Variants in TENM1 observed in about 807,000 individuals in gnomAD.
TENM1 encodes teneurin transmembrane protein 1.
In TENM1, 35 loss-of-function variants were observed where a neutral mutation model predicts 174.8. That is an observed-to-expected ratio of 0.20 (90% confidence interval 0.15 to 0.27). The LOEUF (loss-of-function observed/expected upper bound fraction) is 0.27. TENM1 is among the 10% of genes least tolerant of loss of function. The pLI is 1.00. For missense variants in TENM1, 1,633 were observed against 2,130.1 expected (o/e 0.77, Z 4.59); for synonymous variants, 781 against 798.7 (o/e 0.98, Z 0.37).
At chrX:124,541,679 T>G (rs1016969760) in intron 15 of TENM1, among the ~76,000 whole-genome samples, 4 of 112,230 alleles carry the variant, frequency 3.6e-5, no homozygotes, top group African/African-American at 9.7e-5. Context: ...AAATCATAAC[T>G]AAGCTACTCA....
the TENM1 span, among the ~76,000 whole-genome samples, chrX:125,179,143 C>A: frequency 9.0e-6 from 1 of 111,470 alleles, no homozygotes; most frequent in Non-Finnish European, 1.9e-5. Context: ...GTTGGCTCAC[C>A]AAACTCAACA....
the TENM1 span, among the ~76,000 whole-genome samples, chrX:125,065,255 A>G: frequency 8.9e-6 from 1 of 112,061 alleles, no homozygotes; most frequent in African/African-American, 3.2e-5. Context: ...CTGGAGGGCC[A>G]AAGAATGATA....
chrX:124,590,940 GATAGTTA>G (rs2049721745), intron 11 of TENM1, among the ~76,000 whole-genome samples: 1 of 112,306 alleles, frequency 8.9e-6, no homozygotes, highest in Non-Finnish European at 1.9e-5. Context: ...GTATATTTAT[GATAGTTA>G]AGTCTTGCTG....
intron 1 of TENM1, among the ~76,000 whole-genome samples, chrX:124,917,380 TCTGA>T (rs1299951413): frequency 1.8e-5 from 2 of 111,988 alleles, no homozygotes; most frequent in Admixed American, 9.5e-5. Flanking sequence ...CTGTCGGAGT[TCTGA>T]CTAATACAAA....
the TENM1 span, among the ~76,000 whole-genome samples, chrX:125,027,779 A>G: frequency 1.7e-4 from 19 of 110,473 alleles, no homozygotes; most frequent in East Asian, 5.1e-3. Context: ...ATTTTTAAGA[A>G]GACTCTTATG....
intron 3 of TENM1, among the ~76,000 whole-genome samples, chrX:124,758,374 A>G (rs2054320399): frequency 8.9e-6 from 1 of 111,869 alleles, no homozygotes; most frequent in Non-Finnish European, 1.9e-5. Flanking sequence ...CAGTATAAAG[A>G]AAAATGGAAA....
the TENM1 span, among the ~76,000 whole-genome samples, chrX:125,000,726 T>A: frequency 1.8e-5 from 2 of 111,363 alleles, no homozygotes; most frequent in African/African-American, 3.3e-5. Context: ...ACCAACTGGC[T>A]TTTTTTCTGG....
At chrX:124,523,240 G>T in intron 17 of TENM1, 124 bp downstream of exon 20, 1 of 759,763 alleles carries the variant, frequency 1.3e-6, no homozygotes. Context: ...GACTTCTCTT[G>T]ACAAATAAAG....
At chrX:124,910,762 C>T (rs1310277794) in intron 1 of TENM1, among the ~76,000 whole-genome samples, 1 of 111,314 alleles carries the variant, frequency 9.0e-6, no homozygotes, top group Non-Finnish European at 1.9e-5. Context: ...TTCCAGAATT[C>T]TAGCTCCATT....
At chrX:125,183,346 C>T in the TENM1 span, among the ~76,000 whole-genome samples, 1 of 111,958 alleles carries the variant, frequency 8.9e-6, no homozygotes, top group African/African-American at 3.2e-5. Flanking sequence ...CCCCTCAGAT[C>T]ATTAACTCCA....
At chrX:124,730,232 T>C (rs2053535439) in intron 4 of TENM1, among the ~76,000 whole-genome samples, 1 of 111,606 alleles carries the variant, frequency 9.0e-6, no homozygotes, top group South Asian at 3.8e-4. Flanking sequence ...TATGTTTACT[T>C]TGAGGAAATT....
At chrX:124,462,073 T>C (rs1055362216) in intron 22 of TENM1, among the ~76,000 whole-genome samples, 3 of 111,253 alleles carry the variant, frequency 2.7e-5, no homozygotes, top group Non-Finnish European at 5.7e-5. Context: ...GTTCATGTCA[T>C]CCCGTTTCTC....
the TENM1 span, among the ~76,000 whole-genome samples, chrX:125,176,960 A>G: frequency 2.7e-5 from 3 of 112,121 alleles, no homozygotes; most frequent in South Asian, 3.7e-4. Flanking sequence ...AGGCATGTAC[A>G]TAAGTGCATC....
At chrX:124,899,942 A>G (rs972057142) in intron 1 of TENM1, among the ~76,000 whole-genome samples, 1 of 112,476 alleles carries the variant, frequency 8.9e-6, no homozygotes, top group African/African-American at 3.2e-5. Flanking sequence ...ATTCTCATAC[A>G]CTGGTGGTGA....
At chrX:125,123,969 C>CA in the TENM1 span, among the ~76,000 whole-genome samples, 1 of 112,274 alleles carries the variant, frequency 8.9e-6, no homozygotes, top group African/African-American at 3.2e-5. Context: ...TTGGCTCTGC[C>CA]ACTGAGTAGC....
At chrX:125,160,205 GAA>G in the TENM1 span, among the ~76,000 whole-genome samples, 136 of 69,134 alleles carry the variant, frequency 2.0e-3, 2 homozygotes, top group African/African-American at 5.9e-3. Context: ...CACCATCAAT[GAA>G]AAAAAAAAAA....
chrX:124,967,093 AG>A (rs2058736504), upstream of TENM1, among the ~76,000 whole-genome samples: 1 of 112,140 alleles, frequency 8.9e-6, no homozygotes, highest in Non-Finnish European at 1.9e-5. Context: ...TGAGCACTAA[AG>A]ATGAAGATAT....
At chrX:124,415,210 G>C (rs1447301176) in intron 25 of TENM1, among the ~76,000 whole-genome samples, 1 of 112,338 alleles carries the variant, frequency 8.9e-6, no homozygotes, top group African/African-American at 3.2e-5. Context: ...GTCACATTAT[G>C]AAGGTTGGAA....
chrX:124,806,019 G>T (rs1160300392), intron 3 of TENM1, among the ~76,000 whole-genome samples: 1 of 110,555 alleles, frequency 9.0e-6, no homozygotes, highest in African/African-American at 3.3e-5. Flanking sequence ...GAATTCAAAA[G>T]AACTATTTTA....
Sources: gnomAD v4.1 joint callset for allele counts (sites outside exome capture counted in the v4.1 genomes callset) on GRCh38, gnomAD v4.1.1 for gene constraint, MANE v1.5 for transcripts, NCBI Gene and HGNC (gene_info 2026-07-23, HGNC 2026-07-21) for gene names.